ULK4: variants seen among roughly 807,000 people sequenced by gnomAD.
ULK4 encodes unc-51 like kinase 4.
In ULK4, 133 loss-of-function variants were observed where a neutral mutation model predicts 160.6. That is an observed-to-expected ratio of 0.83 (90% CI 0.72 to 0.96). The LOEUF is 0.96. Among genes scored for constraint, ULK4 ranks in the 40% least tolerant of loss-of-function variants. The probability of loss-of-function intolerance (pLI) is 0.00; values close to 1 mark genes in which losing one functional copy is unlikely to be tolerated. For missense variants in ULK4, 1,580 were observed against 1,499.5 expected (o/e 1.05, Z -0.89); for synonymous variants, 534 against 539.8 (o/e 0.99, Z 0.15).
At chr3:41,598,406 CAGAT>C (rs199879194) in intron 31 of ULK4, among the ~76,000 whole-genome samples, 1,672 of 152,210 alleles carry the variant, frequency 0.011, 24 homozygotes, top group African/African-American at 0.035. Context: ...GGAGACCAGA[CAGAT>C]AGAGAAACAT....
chr3:41,484,466 G>T (rs9835452), intron 32 of ULK4, among the ~76,000 whole-genome samples: 48,555 of 132,464 alleles, frequency 0.37, 9,417 homozygotes, highest in Non-Finnish European at 0.4. Context: ...TCCTTTTTTT[G>T]TTTTGAGATG....
At chr3:41,916,533 C>T (rs1185564932) in intron 7 of ULK4, among the ~76,000 whole-genome samples, 3 of 151,588 alleles carry the variant, frequency 2.0e-5, no homozygotes, top group South Asian at 2.1e-4. Context: ...GGACTACAGG[C>T]ATGCACTACC....
chr3:41,863,020 G>A (rs2042539503), intron 17 of ULK4, among the ~76,000 whole-genome samples: 1 of 151,142 alleles, frequency 6.6e-6, no homozygotes, highest in South Asian at 2.1e-4. Flanking sequence ...AGCCAGCCAG[G>A]CCTGTCCTTC....
chr3:41,323,587 T>C (rs1008483140), intron 35 of ULK4, among the ~76,000 whole-genome samples: 2 of 152,046 alleles, frequency 1.3e-5, no homozygotes, highest in African/African-American at 2.4e-5. Context: ...TACTACACCA[T>C]AGAAAGCAAA....
At chr3:41,887,047 G>C (rs1697747181) in intron 16 of ULK4, among the ~76,000 whole-genome samples, 1 of 152,188 alleles carries the variant, frequency 6.6e-6, no homozygotes, top group South Asian at 2.1e-4. Flanking sequence ...AGTAACAGAT[G>C]AATCTATCGA....
intron 30 of ULK4, among the ~76,000 whole-genome samples, chr3:41,642,332 C>T (rs1418864132): frequency 6.6e-6 from 1 of 152,034 alleles, no homozygotes; most frequent in Non-Finnish European, 1.5e-5. Flanking sequence ...AATGCTATCC[C>T]TCCCTACTCC....
chr3:41,871,736 C>T lies in ULK4; in HGVS notation c.1656+12138G>A, dbSNP rs529734003. 2.6e-5 allele frequency among the ~76,000 whole-genome samples: 4 copies of T among 152,276 alleles called. No homozygotes were observed. The South Asian group carries it at 8.3e-4, about 32-fold the overall frequency. On this transcript the variant is annotated intron_variant, in intron 17 of 36. Coordinates refer to ENST00000301831, the MANE Select transcript of ULK4 (RefSeq NM_017886.4). ...AGACATACTCCAGATATGAGTCCTT[C>T]GTCAGATATGTAGCTTGTAAATATT... is the stretch of plus-strand genomic sequence containing the variant.
chr3:41,607,512 G>A (rs1029273461), intron 31 of ULK4, among the ~76,000 whole-genome samples: 2 of 152,106 alleles, frequency 1.3e-5, no homozygotes, highest in African/African-American at 4.8e-5. Context: ...AGGTGTTACT[G>A]TATACCACTG....
chr3:41,825,717 C>G (rs1052667422), intron 18 of ULK4, among the ~76,000 whole-genome samples: 1 of 152,192 alleles, frequency 6.6e-6, no homozygotes, highest in Admixed American at 6.5e-5. Context: ...AGAATGGAAC[C>G]AAGCTGGAAA....
In ULK4 at chr3:41,473,661, C is replaced by CAAAAAAAAAAAAAAAA. The variant is rs1294599838; in HGVS notation, c.3227-10409_3227-10408insTTTTTTTTTTTTTTTT. Among the ~76,000 whole-genome samples the CAAAAAAAAAAAAAAAA allele has an allele frequency of 4.0e-4, 10 of 25,274 alleles. 1 individual carries two copies. The highest frequency in any genetic ancestry group is 1.6e-3 in the African/African-American group (9 of 5,490). The allele number at this position is 25,274 out of a possible 152,430, so 16.6% of individuals were successfully genotyped here. ...TGGGCAACAGAATGAGATTCTGTCT[C>CAAAAAAAAAAAAAAAA]AAAGAAAAAAAAAAAAAAAAAAAGA... On this transcript the variant is annotated intron_variant, in intron 32 of 36. Transcript: ENST00000301831.
At chr3:41,734,917 C>T (rs1399349547) in intron 22 of ULK4, among the ~76,000 whole-genome samples, 1 of 152,092 alleles carries the variant, frequency 6.6e-6, no homozygotes, top group African/African-American at 2.4e-5. Context: ...GTAGGCAGAA[C>T]CTCGGCAGCA....
intron 22 of ULK4, among the ~76,000 whole-genome samples, chr3:41,746,999 G>A (rs1034674852): frequency 1.3e-5 from 2 of 151,882 alleles, no homozygotes; most frequent in African/African-American, 4.9e-5. Flanking sequence ...TACTTTATGC[G>A]TAAAATTAAC....
intron 17 of ULK4, among the ~76,000 whole-genome samples, chr3:41,843,504 T>C (rs770130295): frequency 6.6e-6 from 1 of 152,118 alleles, no homozygotes; most frequent in Non-Finnish European, 1.5e-5. Flanking sequence ...GGGTTCGTGG[T>C]TTCACTAGCT....
chr3:41,922,212 G>T (rs1466734035), intron 5 of ULK4, among the ~76,000 whole-genome samples: 1 of 152,102 alleles, frequency 6.6e-6, no homozygotes, highest in East Asian at 1.9e-4. Context: ...AAAGGGTTAG[G>T]TGTGGTGGCA....
At chr3:41,922,915 T>C (rs1043387805) in intron 5 of ULK4, among the ~76,000 whole-genome samples, 2 of 152,114 alleles carry the variant, frequency 1.3e-5, no homozygotes, top group African/African-American at 4.8e-5. Context: ...CTCACACTTG[T>C]AATGCCAGCA....
chr3:41,803,348 C>G (rs999172685), intron 19 of ULK4, among the ~76,000 whole-genome samples: 1 of 152,014 alleles, frequency 6.6e-6, no homozygotes, highest in East Asian at 1.9e-4. Context: ...TGTTCAGGGC[C>G]GTAAAAAATA....
At chr3:41,718,542 T>C (rs2037346719) in intron 22 of ULK4, among the ~76,000 whole-genome samples, 1 of 152,222 alleles carries the variant, frequency 6.6e-6, no homozygotes, top group African/African-American at 2.4e-5. Flanking sequence ...CCTCTCCACA[T>C]TTTCTCCCCT....
At chr3:41,765,414 G>T (rs1417849151) in intron 21 of ULK4, among the ~76,000 whole-genome samples, 2 of 151,340 alleles carry the variant, frequency 1.3e-5, no homozygotes, top group African/African-American at 2.4e-5. Context: ...GTCATGGGGT[G>T]GGGGAGTGGG....
At chr3:41,636,570 A>C (rs551745394) in intron 30 of ULK4, among the ~76,000 whole-genome samples, 1 of 151,152 alleles carries the variant, frequency 6.6e-6, no homozygotes, top group African/African-American at 2.4e-5. Flanking sequence ...AGAAGAGAGG[A>C]GAAAATAGCT....
Sources: gnomAD v4.1 joint callset for allele counts (sites outside exome capture counted in the v4.1 genomes callset) on GRCh38, gnomAD v4.1.1 for gene constraint, MANE v1.5 for transcripts, NCBI Gene and HGNC (gene_info 2026-07-23, HGNC 2026-07-21) for gene names.